Variants in FTCD observed in about 807,000 individuals in gnomAD.
FTCD encodes formimidoyltransferase-cyclodeaminase.
In FTCD, 76 loss-of-function variants were observed where a neutral mutation model predicts 62.9. That is an observed-to-expected ratio of 1.21 (90% CI 1.00 to 1.46). The LOEUF is 1.46. Among genes scored for constraint, FTCD ranks in the 40% most tolerant of loss-of-function variants. The probability of loss-of-function intolerance (pLI) is 0.00; values close to 1 mark genes in which losing one functional copy is unlikely to be tolerated. For missense variants in FTCD, 845 were observed against 751.3 expected (o/e 1.12, Z -1.46); for synonymous variants, 397 against 336.9 (o/e 1.18, Z -1.95).
At position 46,138,524 on chromosome 21, in the gene FTCD, C is replaced by T; in HGVS notation, c.1427G>A (p.Cys476Tyr). 6.3e-7 allele frequency: 1 copy of T among 1,586,260 alleles called. No homozygotes were observed. Among genetic ancestry groups the T allele is most frequent in the Non-Finnish European group, 8.5e-7 (1 of 1,173,292 alleles). ...CCCCCCTACCTGGAGGTCTGACCGG[C>T]AGGCCAGGTTCCCACACCGGGCCAG... Reference protein sequence around the residue: ...QELARCGNLACRSDLQVAAKA... With the variant: ...QELARCGNLAYRSDLQVAAKA... Residue 476 changes from cysteine (C) to tyrosine (Y), a missense_variant, in exon 12 of 14, where the codon TGC becomes TAC. Physicochemically the swap from Cys to Tyr is radical, Grantham distance 194. Coordinates refer to ENST00000397746, the MANE Select transcript of FTCD (RefSeq NM_206965.2).
At chr21:46,141,921 C>G (rs1025723860) in intron 10 of FTCD, among the ~76,000 whole-genome samples, 4 of 152,072 alleles carry the variant, frequency 2.6e-5, no homozygotes, top group African/African-American at 7.2e-5. Context: ...TGGGCCCCCC[C>G]GGGGAGGGGG....
intron 10 of FTCD, among the ~76,000 whole-genome samples, chr21:46,141,734 G>A (rs1208956067): frequency 6.6e-6 from 1 of 151,538 alleles, no homozygotes; most frequent in Non-Finnish European, 1.5e-5. Context: ...AAAAATACTA[G>A]AAGGCAGCGA....
In FTCD at chr21:46,151,925, G is replaced by C. The variant is rs1458352047; in HGVS notation, c.423C>G (p.Ile141Met). Residue 141 changes from isoleucine to methionine, a missense_variant, in exon 4 of 14, where the codon ATC (isoleucine) becomes ATG (methionine). Physicochemically the swap from Ile to Met is conservative, Grantham distance 10. Transcript: ENST00000397746. Reference protein sequence around the residue: ...RMDSRRTLPAIRAGEYEALPK... With the variant: ...RMDSRRTLPAMRAGEYEALPK... ...GGAGGGCCTCGTACTCCCCGGCCCG[G>C]ATGGCCGGCAGGGTCCGGCGACTGT... is the stretch of plus-strand genomic sequence containing the variant. 1 of 1,572,170 alleles carries C rather than the reference G, an allele frequency of 6.4e-7. No homozygotes were observed. The highest frequency in any genetic ancestry group is 1.9e-5 in the Admixed American group (1 of 53,848).
rs747119667 is a variant in FTCD at position 46,136,951 on chromosome 21, G to A, written c.*36C>T. On this transcript the variant is annotated 3_prime_UTR_variant, in exon 14 of 14. Coordinates refer to ENST00000397746, the MANE Select transcript of FTCD (RefSeq NM_206965.2). ...CTCTGCCCTCTGGGGATGGGCGAGG[G>A]AGGGGCCACAGAGCCCGGAGAGGCC... 1.1e-5 allele frequency: 17 copies of A among 1,612,570 alleles called. No homozygotes were observed. The East Asian group carries it at 3.6e-4, about 34-fold the overall frequency.
intron 12 of FTCD, among the ~76,000 whole-genome samples, chr21:46,137,764 C>T (rs1443191848): frequency 1.3e-5 from 2 of 152,162 alleles, no homozygotes; most frequent in South Asian, 2.1e-4. Context: ...AACCCGAAGA[C>T]CATGAGGTCT....
At chr21:46,139,536 C>T (rs915043094) in intron 10 of FTCD, among the ~76,000 whole-genome samples, 1 of 152,222 alleles carries the variant, frequency 6.6e-6, no homozygotes, top group African/African-American at 2.4e-5. Flanking sequence ...TGGCCAGAGC[C>T]CTGGCCAAGG....
Position 46,151,970 on chromosome 21 carries a change from G to A in FTCD, c.378C>T (p.Tyr126=), listed in dbSNP as rs374724805. The change falls in exon 4 of 14, where the codon TAC becomes TAT. Residue 126 remains tyrosine, a synonymous_variant. Transcript: ENST00000397746. ...GACTGTCCATCCTGGCTGCCTCGCC[G>A]TACAGGTAAACTGCAGGAGAGCCCG... ...AEELDVPVYL[Y]GEAARMDSRR... is the part of the protein sequence containing the mutation. 2.8e-3 allele frequency: 4,345 copies of A among 1,566,116 alleles called. 10 individuals carry two copies. The highest frequency in any genetic ancestry group is 3.3e-3 in the Non-Finnish European group (3,838 of 1,155,930).
Position 46,137,021 on chromosome 21 carries a change from AGTG to A in FTCD, c.1589_1591del (p.Ala530_Leu531delinsVal), listed in dbSNP as rs1470835175. ...CCGGGTCTCCAAGCAGTCCAGCACC[AGTG>A]CAGCCTGGGTCTTGGCTTCCTGCAG... On this transcript the variant is annotated inframe_deletion, in exon 14 of 14. Coordinates refer to ENST00000397746, the MANE Select transcript of FTCD (RefSeq NM_206965.2). 2 of 1,613,530 alleles carry A rather than the reference AGTG, an allele frequency of 1.2e-6. No individual in the cohort carries two copies. The highest frequency in any genetic ancestry group is 1.7e-6 in the Non-Finnish European group (2 of 1,180,002).
At chr21:46,136,301 A>C, downstream of FTCD, 2 of 702,096 alleles carry the variant, frequency 2.8e-6, no homozygotes, top group South Asian at 3.7e-5. Flanking sequence ...ACTTCTCTGG[A>C]GACAGGAGGC....
At chr21:46,141,716 TA>T (rs111415592) in intron 10 of FTCD, among the ~76,000 whole-genome samples, 9,580 of 144,898 alleles carry the variant, frequency 0.066, 413 homozygotes, top group Middle Eastern at 0.13. Flanking sequence ...CCTCCCCTAT[TA>T]AAAAAAAAAA....
intron 7 of FTCD, among the ~76,000 whole-genome samples, chr21:46,147,527 T>C (rs1478532270): frequency 1.3e-5 from 2 of 152,142 alleles, no homozygotes; most frequent in East Asian, 1.9e-4. Flanking sequence ...GAGCATGCAC[T>C]GGCAATCAAA....
chr21:46,154,057 C>T, intron 2 of FTCD, 92 bp downstream of exon 2: 1 of 1,368,454 alleles, frequency 7.3e-7, no homozygotes. Flanking sequence ...AAGCCTGGGC[C>T]CCGGGCCTAC....
chr21:46,142,315 C>CCCGGTGAGG (rs1383659953), intron 10 of FTCD: 2 of 150,530 alleles, frequency 1.3e-5, no homozygotes, highest in Non-Finnish European at 2.9e-5. Context: ...GTTTCTTCCT[C>CCCGGTGAGG]CCGGTGAGGC....
intron 10 of FTCD, among the ~76,000 whole-genome samples, chr21:46,140,689 G>A (rs889135739): frequency 2.0e-5 from 3 of 151,186 alleles, no homozygotes; most frequent in Admixed American, 6.6e-5. Flanking sequence ...TGGCTCACAG[G>A]GAGTGTAAAC....
intron 7 of FTCD, 25 bp from the exon 8 acceptor site, chr21:46,146,352 A>G: frequency 6.5e-7 from 1 of 1,550,246 alleles, no homozygotes; most frequent in South Asian, 1.2e-5. Context: ...TGGAGTGGAA[A>G]CGGCCTCGGC....
intron 7 of FTCD, chr21:46,146,652 C>A: frequency 2.0e-6 from 1 of 494,018 alleles, no homozygotes; most frequent in South Asian, 2.6e-5. Context: ...TCGCCGCCCC[C>A]CAGCACCACT....
rs764715319 is a variant in FTCD, at chr21:46,137,091, A to G, written c.1540-18T>C. The G allele has an allele frequency of 6.2e-7, 1 of 1,613,618 alleles. No homozygotes were observed. Among genetic ancestry groups the G allele is most frequent in the Non-Finnish European group, 8.5e-7 (1 of 1,179,860 alleles). ...TGGTGGATCTGATGGACACAGGGAA[A>G]GAGGGGTCTGGTAGTTCCAGTCTTC... On this transcript the variant is annotated intron_variant, in intron 13 of 13. Transcript: ENST00000397746.
chr21:46,137,877 G>A (rs1330762179), intron 12 of FTCD, among the ~76,000 whole-genome samples: 2 of 152,224 alleles, frequency 1.3e-5, no homozygotes, highest in Non-Finnish European at 2.9e-5. Flanking sequence ...CTACTTCCAA[G>A]AGCTGCCTTG....
At chr21:46,146,013 G>A (rs2079139588) in intron 8 of FTCD, 66 bp from the exon 9 acceptor site, 4 of 1,009,348 alleles carry the variant, frequency 4.0e-6, no homozygotes, top group Non-Finnish European at 5.6e-6. Context: ...TCCTCCCGGG[G>A]CGGCCCCAGG....
Sources: gnomAD v4.1 joint callset for allele counts (sites outside exome capture counted in the v4.1 genomes callset) on GRCh38, gnomAD v4.1.1 for gene constraint, MANE v1.5 for transcripts, NCBI Gene and HGNC (gene_info 2026-07-23, HGNC 2026-07-21) for gene names.